EBF2: variants seen among roughly 807,000 people sequenced by gnomAD.
EBF2 encodes the protein transcription factor COE2.
In EBF2, 21 loss-of-function variants were observed where a neutral mutation model predicts 72.8. The ratio of observed to expected loss-of-function variants is 0.29; its 90% CI spans 0.20 to 0.42. The LOEUF is 0.42. Among genes scored for constraint, EBF2 ranks in the 10% least tolerant of loss-of-function variants. The probability of loss-of-function intolerance (pLI) is 1.00; values close to 1 mark genes in which losing one functional copy is unlikely to be tolerated. For missense variants in EBF2, 637 were observed against 731.2 expected (o/e 0.87, Z 1.49); for synonymous variants, 299 against 274.2 (o/e 1.09, Z -0.89).
intron 8 of EBF2, 109 bp downstream of exon 8, chr8:25,889,643 G>C (rs776635583): frequency 3.7e-6 from 3 of 818,914 alleles, no homozygotes; most frequent in Non-Finnish European, 3.9e-6. Context: ...AACCCACATT[G>C]TTCTGTGTAC....
intron 6 of EBF2, among the ~76,000 whole-genome samples, chr8:25,998,927 C>T (rs1024399173): frequency 3.3e-5 from 5 of 152,094 alleles, no homozygotes; most frequent in South Asian, 2.1e-4. Context: ...AAACAAATTT[C>T]GGGTCCCACT....
At chr8:25,894,173 T>C (rs1802828876) in intron 7 of EBF2, among the ~76,000 whole-genome samples, 1 of 152,230 alleles carries the variant, frequency 6.6e-6, no homozygotes, top group Non-Finnish European at 1.5e-5. Context: ...TTGGTGGTTA[T>C]TTCTATACAT....
At chr8:25,971,885 C>T (rs866888623) in intron 6 of EBF2, among the ~76,000 whole-genome samples, 3 of 152,156 alleles carry the variant, frequency 2.0e-5, no homozygotes, top group African/African-American at 2.4e-5. Context: ...CTCTACAGCT[C>T]GAGCGGCCCC....
chr8:25,902,052 T>C (rs1445185032), intron 7 of EBF2, among the ~76,000 whole-genome samples: 1 of 152,184 alleles, frequency 6.6e-6, no homozygotes, highest in African/African-American at 2.4e-5. Flanking sequence ...AGTACCTCTA[T>C]GTTTTCACTA....
chr8:26,020,746 T>C (rs186978413), intron 6 of EBF2, among the ~76,000 whole-genome samples: 1 of 150,694 alleles, frequency 6.6e-6, no homozygotes, highest in East Asian at 1.9e-4. Context: ...CATCACATTT[T>C]CAAAGTCAGA....
intron 7 of EBF2, among the ~76,000 whole-genome samples, chr8:25,890,198 C>A (rs3812414): frequency 2.6e-5 from 4 of 152,172 alleles, no homozygotes; most frequent in African/African-American, 9.7e-5. Flanking sequence ...GGAGCCTCCA[C>A]CACAGAAAGC....
rs547886742 is a variant in EBF2, at chr8:26,020,401, T to C, written c.551+12684A>G. On this transcript the variant is annotated intron_variant, in intron 6 of 15. Coordinates refer to ENST00000520164, the MANE Select transcript of EBF2 (RefSeq NM_022659.4). ...AGTGAAAACCGCCAGCCCAGAGTTA[T>C]AAATGGGACACCTACAGTGAAACCA... is the stretch of plus-strand genomic sequence containing the variant. Among the ~76,000 whole-genome samples the C allele has an allele frequency of 7.2e-5, 11 of 152,314 alleles. No individual in the cohort carries two copies. The South Asian group carries it at 1.0e-3, about 14-fold the overall frequency.
intron 6 of EBF2, among the ~76,000 whole-genome samples, chr8:25,958,819 C>G (rs1803991030): frequency 6.6e-6 from 1 of 152,212 alleles, no homozygotes; most frequent in Non-Finnish European, 1.5e-5. Context: ...GAACTTTTCC[C>G]CACATATGGT....
intron 6 of EBF2, among the ~76,000 whole-genome samples, chr8:25,934,194 G>A (rs936007307): frequency 1.3e-5 from 2 of 148,902 alleles, no homozygotes; most frequent in African/African-American, 2.5e-5. Flanking sequence ...TGAAGGACCA[G>A]GCTGCTGCTT....
At chr8:25,866,818 G>T (rs1802338621) in intron 10 of EBF2, among the ~76,000 whole-genome samples, 1 of 151,076 alleles carries the variant, frequency 6.6e-6, no homozygotes, top group African/African-American at 2.4e-5. Flanking sequence ...TTTTAGTAGA[G>T]ATGGGGTTTC....
intron 6 of EBF2, among the ~76,000 whole-genome samples, chr8:25,931,399 C>T (rs1352230801): frequency 2.6e-5 from 4 of 152,020 alleles, no homozygotes; most frequent in Non-Finnish European, 5.9e-5. Flanking sequence ...AAGGTTTGGA[C>T]GACTTGAACC....
chr8:25,862,913 A>G (rs1373176441), intron 10 of EBF2, 116 bp from the exon 11 acceptor site: 2 of 555,482 alleles, frequency 3.6e-6, no homozygotes, highest in Non-Finnish European at 5.6e-6. Context: ...GTAATCAGTT[A>G]GGGTTTTTGC....
intron 6 of EBF2, among the ~76,000 whole-genome samples, chr8:25,947,207 G>A (rs748617367): frequency 1.6e-4 from 25 of 152,156 alleles, no homozygotes; most frequent in Admixed American, 1.3e-4. Flanking sequence ...ATTCAATTAT[G>A]GGGGTGGGTT....
chr8:25,912,063 G>A (rs1200929918), intron 6 of EBF2, among the ~76,000 whole-genome samples: 3 of 152,206 alleles, frequency 2.0e-5, no homozygotes, highest in Non-Finnish European at 4.4e-5. Flanking sequence ...CGGTCCAGCA[G>A]CTGAAGGGTA....
intron 6 of EBF2, among the ~76,000 whole-genome samples, chr8:25,924,519 C>A (rs1319045194): frequency 6.6e-6 from 1 of 152,104 alleles, no homozygotes; most frequent in Non-Finnish European, 1.5e-5. Flanking sequence ...AGAGGTTAAA[C>A]GAAAAGCTGA....
At chr8:26,002,852 AGGCGGGCAGGCGGGCAGGCGGGCAGGCG>A (rs1804756032) in intron 6 of EBF2, among the ~76,000 whole-genome samples, 7 of 90,760 alleles carry the variant, frequency 7.7e-5, no homozygotes, top group Admixed American at 3.8e-4. Flanking sequence ...GCAGGCAGGC[AGGCGGGCAGGCGGGCAGGCGGGCAGGCG>A]GGCAGGCGGG....
intron 2 of EBF2, chr8:26,041,530 C>A (rs903982997): frequency 2.4e-5 from 4 of 164,978 alleles, no homozygotes; most frequent in Admixed American, 2.3e-4. Flanking sequence ...ACACGGAGAC[C>A]CGGAAAGGGC....
At chr8:25,925,325 G>A (rs1169583208) in intron 6 of EBF2, among the ~76,000 whole-genome samples, 2 of 151,954 alleles carry the variant, frequency 1.3e-5, no homozygotes, top group Non-Finnish European at 2.9e-5. Flanking sequence ...AGCTGAGAGG[G>A]GTCATCAGAG....
intron 6 of EBF2, among the ~76,000 whole-genome samples, chr8:25,921,611 A>G (rs182798681): frequency 5.1e-4 from 77 of 152,332 alleles, no homozygotes; most frequent in Middle Eastern, 3.4e-3. Context: ...AGGTTTCCAC[A>G]TCTTAGTACC....
Sources: allele counts gnomAD v4.1 joint callset (sites outside exome capture counted in the v4.1 genomes callset), GRCh38; gene constraint gnomAD v4.1.1; transcripts MANE v1.5; gene names NCBI Gene and HGNC (gene_info 2026-07-23, HGNC 2026-07-21).